BICDL1: variants seen among roughly 807,000 people sequenced by gnomAD.
BICDL1 encodes BICD family like cargo adaptor 1, also known as BICD family-like cargo adapter 1.
In BICDL1, 20 loss-of-function variants were observed where a neutral mutation model predicts 76.8. The observed-to-expected ratio is 0.26, with a 90% CI of 0.18 to 0.38. The LOEUF is 0.38. Among genes scored for constraint, BICDL1 ranks in the 10% least tolerant of loss-of-function variants. The probability of loss-of-function intolerance (pLI) is 1.00; values close to 1 mark genes in which losing one functional copy is unlikely to be tolerated. For synonymous variants in BICDL1, 383 were observed against 337.1 expected (o/e 1.14, Z -1.49); for missense variants, 700 against 798.6 (o/e 0.88, Z 1.49).
intron 2 of BICDL1, chr12:120,057,313 C>G (rs1952995995): frequency 3.2e-6 from 1 of 310,318 alleles, no homozygotes. Flanking sequence ...CCATTTGATT[C>G]AATTTTTTGT....
At chr12:120,025,105 A>C (rs1952265265) in intron 2 of BICDL1, among the ~76,000 whole-genome samples, 1 of 144,450 alleles carries the variant, frequency 6.9e-6, no homozygotes, top group African/African-American at 2.6e-5. Flanking sequence ...GCTGGAGTGC[A>C]GTGGCGCGAT....
chr12:119,995,734 C>T (rs980304256), intron 1 of BICDL1, among the ~76,000 whole-genome samples: 1 of 152,178 alleles, frequency 6.6e-6, no homozygotes, highest in Non-Finnish European at 1.5e-5. Context: ...CGCCTGTAAT[C>T]CCAGCACTTT....
In BICDL1 at chr12:120,021,464, G is replaced by A. The variant is rs1952177237; in HGVS notation, c.645+22728G>A. Among the ~76,000 whole-genome samples, 6 of 151,438 alleles carry A rather than the reference G, an allele frequency of 4.0e-5. No homozygotes were observed. In the South Asian group the frequency reaches 1.2e-3, roughly 32 times the overall value. On this transcript the variant is annotated intron_variant, in intron 2 of 9. Coordinates refer to ENST00000548673, the MANE Select transcript of BICDL1 (RefSeq NM_001367886.1). ...TAGCCGGGCATGGTGGCACGCGCCT[G>A]TAGTCCCAGCTGCTAGGGAGGCTGA...
intron 2 of BICDL1, among the ~76,000 whole-genome samples, chr12:120,060,851 G>A (rs1464842690): frequency 3.9e-5 from 6 of 152,188 alleles, no homozygotes; most frequent in African/African-American, 1.4e-4. Flanking sequence ...CCACCTCCTC[G>A]GAAAGCCTTT....
chr12:120,004,787 T>C (rs929327961), intron 2 of BICDL1, among the ~76,000 whole-genome samples: 1 of 152,196 alleles, frequency 6.6e-6, no homozygotes, highest in Non-Finnish European at 1.5e-5. Flanking sequence ...AATTCTAGTT[T>C]TGCCTCTATC....
At chr12:120,036,994 T>C (rs1400750873) in intron 2 of BICDL1, among the ~76,000 whole-genome samples, 1 of 152,226 alleles carries the variant, frequency 6.6e-6, no homozygotes, top group Non-Finnish European at 1.5e-5. Flanking sequence ...GGATTCACTT[T>C]CCAGAACTTA....
chr12:120,056,268 A>G (rs139423411), intron 2 of BICDL1, among the ~76,000 whole-genome samples: 58 of 152,320 alleles, frequency 3.8e-4, no homozygotes, highest in African/African-American at 1.3e-3. Flanking sequence ...GGAAAGAAAA[A>G]TGCTTTAACT....
At chr12:120,041,134 G>A (rs982017189) in intron 2 of BICDL1, among the ~76,000 whole-genome samples, 4 of 152,172 alleles carry the variant, frequency 2.6e-5, no homozygotes, top group East Asian at 1.9e-4. Context: ...TGAATAGTTT[G>A]TATAAAGTGG....
chr12:120,056,459 G>A (rs149003999), intron 2 of BICDL1, among the ~76,000 whole-genome samples: 2,482 of 152,294 alleles, frequency 0.016, 68 homozygotes, highest in African/African-American at 0.055. Context: ...AGTGGCTCAC[G>A]CCTGTAATCC....
chr12:120,021,173 A>G (rs1232962575), intron 2 of BICDL1, among the ~76,000 whole-genome samples: 1 of 151,602 alleles, frequency 6.6e-6, no homozygotes, highest in Non-Finnish European at 1.5e-5. Flanking sequence ...AGTCCCAGCT[A>G]CTTGGGAGGG....
At chr12:120,022,768 G>C (rs1446429200) in intron 2 of BICDL1, among the ~76,000 whole-genome samples, 2 of 152,058 alleles carry the variant, frequency 1.3e-5, no homozygotes, top group African/African-American at 4.8e-5. Flanking sequence ...CCCCCAGACT[G>C]CCTTGACTTT....
At position 120,081,754 on chromosome 12, in the gene BICDL1, A is replaced by G. The variant is rs145450700; in HGVS notation, c.1583+737A>G. ...GACATTTTCAAGCAAACACAAAAAT[A>G]GAAGATATAAGATGACTTCATCTCT... On this transcript the variant is annotated intron_variant, in intron 8 of 9. Coordinates refer to ENST00000548673, the MANE Select transcript of BICDL1 (RefSeq NM_001367886.1). Among the ~76,000 whole-genome samples, 478 of 151,888 alleles carry G rather than the reference A, an allele frequency of 3.1e-3. 2 individuals are homozygous for G. Among genetic ancestry groups the G allele is most frequent in the African/African-American group, 0.011 (452 of 41,416 alleles).
chr12:120,094,395 T>C lies in BICDL1; in HGVS notation c.*1234T>C, dbSNP rs796979882. The stretch of plus-strand genomic sequence containing the variant: ...AAATACATGTATGGATTTTATAATA[T>C]ACATATATAAAAATCTATAAAGGCA... On this transcript the variant is annotated 3_prime_UTR_variant, in exon 10 of 10. Coordinates refer to ENST00000548673, the MANE Select transcript of BICDL1 (RefSeq NM_001367886.1). The C allele has an allele frequency of 2.8e-5, 11 of 389,460 alleles. No homozygotes were observed. The highest frequency in any genetic ancestry group is 2.3e-4 in the African/African-American group (11 of 47,892). The allele number at this position is 389,460 out of a possible 1,614,324, so 24.1% of individuals were successfully genotyped here.
At chr12:120,062,923 G>A (rs1318562237) in intron 3 of BICDL1, among the ~76,000 whole-genome samples, 1 of 152,128 alleles carries the variant, frequency 6.6e-6, no homozygotes, top group Non-Finnish European at 1.5e-5. Context: ...CATGAACCGG[G>A]TCGTCCCCAG....
rs548305046 is a variant in BICDL1 at position 120,071,918 on chromosome 12, C to A, written c.1089+117C>A. ...GGCTGTGCCCCTGTGCCTGTGTCAG[C>A]CCCTTGGCCTGCTGGCTAGAGTGTC... is the stretch of plus-strand genomic sequence containing the variant. On this transcript the variant is annotated intron_variant, in intron 5 of 9. Transcript: ENST00000548673. The surrounding 1 kb of genome is among the most constrained non-coding windows in gnomAD (Gnocchi z 4.8). 2 of 1,407,246 alleles carry A rather than the reference C, an allele frequency of 1.4e-6. No homozygotes were observed. The highest frequency in any genetic ancestry group is 1.5e-5 in the African/African-American group (1 of 68,310). 87.2% of individuals were successfully genotyped at this position (1,407,246 alleles called of 1,614,324 possible).
intron 9 of BICDL1, chr12:120,092,468 G>A: frequency 1.0e-6 from 1 of 985,488 alleles, no homozygotes; most frequent in Non-Finnish European, 1.2e-6. Flanking sequence ...TGCCACGTGA[G>A]GCTGCCGTTG....
At chr12:120,089,813 T>G in intron 8 of BICDL1, 138 bp from the exon 9 acceptor site, 1 of 1,016,652 alleles carries the variant, frequency 9.8e-7, no homozygotes, top group Non-Finnish European at 1.4e-6. Context: ...ACATCATAGT[T>G]ATTGTTGCAG....
At chr12:120,077,012 T>C (rs1156256760) in intron 7 of BICDL1, among the ~76,000 whole-genome samples, 2 of 152,176 alleles carry the variant, frequency 1.3e-5, no homozygotes, top group Non-Finnish European at 2.9e-5. Context: ...TCTGAGCCCT[T>C]TTGGGGGCAA....
At chr12:120,025,840 T>G (rs1168531811) in intron 2 of BICDL1, among the ~76,000 whole-genome samples, 3 of 152,100 alleles carry the variant, frequency 2.0e-5, no homozygotes, top group African/African-American at 7.2e-5. Context: ...ACTGCTTTCT[T>G]TTTTTTCTTT....
Sources: gnomAD v4.1 joint callset for allele counts (sites outside exome capture counted in the v4.1 genomes callset) on GRCh38, gnomAD v4.1.1 for gene constraint, Gnocchi (gnomAD v3.1) non-coding constraint, MANE v1.5 for transcripts, NCBI Gene and HGNC (gene_info 2026-07-23, HGNC 2026-07-21) for gene names.